Variants in FAM200B observed in about 807,000 individuals in gnomAD.
The protein encoded by FAM200B is protein FAM200B.
Under a neutral mutation model 33.1 loss-of-function variants are expected in FAM200B, and 32 were observed. The observed-to-expected ratio is 0.97, with a 90% CI of 0.73 to 1.30. FAM200B has a LOEUF of 1.30. FAM200B is among the 50% of genes most tolerant of loss of function. FAM200B has a pLI of 0.00. For missense variants in FAM200B, 741 were observed against 754.0 expected, an observed-to-expected ratio of 0.98 and a Z score of 0.20; for synonymous variants, 240 against 264.8, an observed-to-expected ratio of 0.91 and a Z score of 0.91.
the FAM200B span, among the ~76,000 whole-genome samples, chr4:15,659,208 C>T: frequency 1.3e-5 from 2 of 152,124 alleles, no homozygotes; most frequent in African/African-American, 4.8e-5. Context: ...TCTACATTCC[C>T]TGAACAAGTA....
rs1475555076 is a variant in FAM200B at position 15,687,432 on chromosome 4, T to C, written c.455T>C (p.Leu152Ser). 3.9e-6 allele frequency: 6 copies of C among 1,550,822 alleles called. No homozygotes were observed. The East Asian group carries it at 1.2e-4, about 32-fold the overall frequency. The change falls in exon 2 of 2, where the codon TTA becomes TCA. Residue 152 changes from leucine (L) to serine (S), a missense_variant. Transcript: ENST00000422728. ...VSEKALLSSYLVAYRVAKEKI... is the reference protein window; with the variant it reads ...VSEKALLSSYSVAYRVAKEKI... Reference sequence around the variant, plus strand: ...GAGAAAGCCTTATTATCATCATATTTAGTTGCATATCGTGTGGCAAAAGAG... The same window carrying C: ...GAGAAAGCCTTATTATCATCATATTCAGTTGCATATCGTGTGGCAAAAGAG...
chr4:15,664,899 AGCCTACAG>A, the FAM200B span, among the ~76,000 whole-genome samples: 3 of 152,060 alleles, frequency 2.0e-5, no homozygotes, highest in South Asian at 6.2e-4. Flanking sequence ...AGTCCCCAAC[AGCCTACAG>A]GTACAAATGT....
the FAM200B span, among the ~76,000 whole-genome samples, chr4:15,642,633 A>G: frequency 1.3e-5 from 2 of 152,188 alleles, no homozygotes; most frequent in Non-Finnish European, 2.9e-5. Context: ...CCCAATATTC[A>G]GTCTAATGTC....
chr4:15,655,152 C>T, the FAM200B span: 13 of 1,313,198 alleles, frequency 9.9e-6, no homozygotes, highest in Non-Finnish European at 1.3e-5. Context: ...ACCCAGCCCG[C>T]TCCCCATCGC....
At chr4:15,684,308 T>G (rs1265578125) in intron 1 of FAM200B, among the ~76,000 whole-genome samples, 2 of 152,222 alleles carry the variant, frequency 1.3e-5, no homozygotes, top group African/African-American at 4.8e-5. Context: ...GTTCCAGAAT[T>G]TATGTTTAGG....
rs537374057 is a variant in FAM200B, at chr4:15,687,722, T to C, written c.745T>C (p.Trp249Arg). The change falls in exon 2 of 2, where the codon TGG becomes CGG. Residue 249 changes from tryptophan to arginine, a missense_variant. By Grantham distance (101) the Trp-to-Arg change is moderately radical. Transcript: ENST00000422728. The stretch of plus-strand genomic sequence containing the variant: ...ACTTTTAGTTTATGTCAGATATGCG[T>C]GGCAAGATGATTTTTTGGAGGATTT... ...TTLLVYVRYA[W>R]QDDFLEDFLC... The C allele has an allele frequency of 9.7e-6, 15 of 1,550,878 alleles. No homozygotes were observed. In the African/African-American group the frequency reaches 2.1e-4, roughly 21 times the overall value.
In FAM200B at chr4:15,688,265, G is replaced by T. The variant is rs1275842253; in HGVS notation, c.1288G>T (p.Ala430Ser). ...FEDDTWVTKL[A>S]YLTDIFSILN... Reference sequence around the variant, plus strand: ...AGATGATACTTGGGTAACAAAATTGGCATATTTAACTGATATTTTTAGCAT... The same window carrying T: ...AGATGATACTTGGGTAACAAAATTGTCATATTTAACTGATATTTTTAGCAT... Residue 430 changes from alanine to serine, a missense_variant, in exon 2 of 2, where the codon GCA becomes TCA. Ala to Ser is a moderately conservative substitution (Grantham distance 99, BLOSUM62 1). Coordinates refer to ENST00000422728, the MANE Select transcript of FAM200B (RefSeq NM_001145191.2). 1.9e-6 allele frequency: 3 copies of T among 1,548,230 alleles called. No homozygotes were observed. The highest frequency in any genetic ancestry group is 2.7e-5 in the African/African-American group (2 of 72,916).
At chr4:15,656,254 A>G in the FAM200B span, 2 of 456,232 alleles carry the variant, frequency 4.4e-6, no homozygotes, top group Admixed American at 2.3e-5. Context: ...CCTCTTTCCC[A>G]TAAATCGCCT....
upstream of FAM200B, among the ~76,000 whole-genome samples, chr4:15,680,362 A>G (rs2148839807): frequency 6.6e-6 from 1 of 152,316 alleles, no homozygotes; most frequent in Admixed American, 6.5e-5. Context: ...GCTAATCAAA[A>G]AACAGCTTTA....
At chr4:15,647,057 T>C in the FAM200B span, among the ~76,000 whole-genome samples, 1 of 151,106 alleles carries the variant, frequency 6.6e-6, no homozygotes, top group Admixed American at 6.6e-5. Flanking sequence ...ACCCCATCTC[T>C]ACTAAAAACA....
the FAM200B span, among the ~76,000 whole-genome samples, chr4:15,673,614 T>G: frequency 1.3e-5 from 2 of 152,216 alleles, no homozygotes; most frequent in Non-Finnish European, 2.9e-5. Flanking sequence ...CTTTATGTGA[T>G]CCAAGACTGT....
At chr4:15,663,831 G>A in the FAM200B span, among the ~76,000 whole-genome samples, 1 of 152,100 alleles carries the variant, frequency 6.6e-6, no homozygotes, top group South Asian at 2.1e-4. Flanking sequence ...AGTTTGCCAA[G>A]GTTTCTGTAT....
At chr4:15,680,509 T>C (rs1415667797), upstream of FAM200B, among the ~76,000 whole-genome samples, 4 of 152,040 alleles carry the variant, frequency 2.6e-5, no homozygotes, top group African/African-American at 9.7e-5. Flanking sequence ...CGTCTTTGTA[T>C]TTTTGAAAAA....
intron 1 of FAM200B, among the ~76,000 whole-genome samples, chr4:15,685,753 A>T (rs140429486): frequency 1.3e-5 from 2 of 152,342 alleles, no homozygotes; most frequent in African/African-American, 4.8e-5. Context: ...TAAACACTAC[A>T]GTAAATGTAG....
chr4:15,665,096 T>G, the FAM200B span, among the ~76,000 whole-genome samples: 1 of 152,150 alleles, frequency 6.6e-6, no homozygotes, highest in African/African-American at 2.4e-5. Flanking sequence ...CTACCCCAGA[T>G]GAAAACTGAG....
chr4:15,641,288 A>G, the FAM200B span, among the ~76,000 whole-genome samples: 1 of 152,084 alleles, frequency 6.6e-6, no homozygotes, highest in African/African-American at 2.4e-5. Flanking sequence ...AATATAGTTG[A>G]CCCTTGAACA....
At chr4:15,637,225 TCA>T in the FAM200B span, among the ~76,000 whole-genome samples, 1 of 152,220 alleles carries the variant, frequency 6.6e-6, no homozygotes, top group Non-Finnish European at 1.5e-5. Context: ...TTAAACTACT[TCA>T]GTTATTTATG....
chr4:15,675,556 C>G, the FAM200B span, among the ~76,000 whole-genome samples: 1 of 149,420 alleles, frequency 6.7e-6, no homozygotes, highest in Non-Finnish European at 1.5e-5. Context: ...CTTAACTTCT[C>G]GGTCACAAAA....
chr4:15,679,766 T>TA (rs553579071), upstream of FAM200B, among the ~76,000 whole-genome samples: 14,804 of 142,720 alleles, frequency 0.1, 841 homozygotes, highest in Admixed American at 0.14. Context: ...CCAATCCCCC[T>TA]AAAAAAAAAA....
Sources: allele counts gnomAD v4.1 joint callset (sites outside exome capture counted in the v4.1 genomes callset), GRCh38; gene constraint gnomAD v4.1.1; transcripts MANE v1.5; gene names NCBI Gene and HGNC (gene_info 2026-07-23, HGNC 2026-07-21).